GJB2: variants seen among roughly 807,000 people sequenced by gnomAD.
GJB2 encodes the protein gap junction beta-2 protein.
Under a neutral mutation model 16.0 loss-of-function variants are expected in GJB2, and 30 were observed. The ratio of observed to expected loss-of-function variants is 1.88; its 90% CI spans 1.41 to 2.55. The LOEUF (loss-of-function observed/expected upper bound fraction) is 2.55, where lower values mean the gene tolerates loss of function less well. Among genes scored for constraint, GJB2 ranks in the 30% most tolerant of loss-of-function variants. The pLI, the probability that GJB2 is intolerant of heterozygous loss-of-function variation, is 0.00. For synonymous variants in GJB2, 123 were observed against 119.1 expected, an observed-to-expected ratio of 1.03 and a Z score of -0.21; for missense variants, 284 against 289.7, an observed-to-expected ratio of 0.98 and a Z score of 0.14.
rs758171036 is a variant in GJB2 at position 20,189,045 on chromosome 13, G to A, written c.537C>T (p.Asp179=). The A allele has an allele frequency of 1.2e-6, 2 of 1,614,086 alleles. No homozygotes were observed. The highest frequency in any genetic ancestry group is 2.2e-5 in the East Asian group (1 of 44,874). ...TCTCCGTGGGCCGGGACACAAAGCA[G>A]TCCACAGTGTTGGGACAAGGCCAGG... ...CNAWPCPNTV[D]CFVSRPTEKT... The change falls in exon 2 of 2, where the codon GAC becomes GAT. Residue 179 remains aspartate, a synonymous_variant. Coordinates refer to ENST00000382848, the MANE Select transcript of GJB2 (RefSeq NM_004004.6).
intron 1 of GJB2, among the ~76,000 whole-genome samples, chr13:20,190,733 A>G (rs1285619427): frequency 6.6e-6 from 1 of 152,164 alleles, no homozygotes; most frequent in Non-Finnish European, 1.5e-5. Context: ...TCTCCTAAAC[A>G]AGATTCCACC....
intron 1 of GJB2, among the ~76,000 whole-genome samples, chr13:20,190,474 G>T (rs1959070112): frequency 6.6e-6 from 1 of 152,206 alleles, no homozygotes; most frequent in African/African-American, 2.4e-5. Context: ...TAATTTCAAA[G>T]TGTTTCTTAA....
At position 20,189,079 on chromosome 13, in the gene GJB2, T is replaced by C. The variant is rs200104362; in HGVS notation, c.503A>G (p.Lys168Arg). 177 of 1,614,060 alleles carry C rather than the reference T, an allele frequency of 1.1e-4. 2 individuals are homozygous for C. In the Admixed American group the frequency reaches 2.2e-3, roughly 20 times the overall value. The change falls in exon 2 of 2, where the codon AAG becomes AGG. Residue 168 changes from lysine to arginine, a missense_variant. Lys to Arg is a conservative substitution (Grantham distance 26). Coordinates refer to ENST00000382848, the MANE Select transcript of GJB2 (RefSeq NM_004004.6). ...YDGFSMQRLV[K>R]CNAWPCPNTV... ...GTTGGGACAAGGCCAGGCGTTGCAC[T>C]TCACCAGCCGCTGCATGGAGAAGCC...
At chr13:20,190,023 T>C (rs1959067599) in intron 1 of GJB2, among the ~76,000 whole-genome samples, 2 of 152,226 alleles carry the variant, frequency 1.3e-5, no homozygotes, top group Non-Finnish European at 2.9e-5. Flanking sequence ...AACAGCTGCA[T>C]CCATTTGCAG....
intron 1 of GJB2, among the ~76,000 whole-genome samples, chr13:20,191,392 C>T (rs905306465): frequency 2.0e-5 from 3 of 152,304 alleles, no homozygotes; most frequent in African/African-American, 7.2e-5. Flanking sequence ...ACCTGCCAAA[C>T]CCAGGTCATA....
At chr13:20,191,528 G>C (rs975151365) in intron 1 of GJB2, among the ~76,000 whole-genome samples, 1 of 152,210 alleles carries the variant, frequency 6.6e-6, no homozygotes, top group African/African-American at 2.4e-5. Flanking sequence ...TTCAGGAAGA[G>C]GAGTAAATTA....
chr13:20,191,804 C>T (rs1352331491), intron 1 of GJB2, among the ~76,000 whole-genome samples: 2 of 152,228 alleles, frequency 1.3e-5, no homozygotes, highest in African/African-American at 2.4e-5. Flanking sequence ...GACTCTTCAC[C>T]CCTTAAATTT....
In GJB2 at chr13:20,188,907, T is replaced by G; in HGVS notation, c.675A>C (p.Pro225=). 1 of 1,612,720 alleles carries G rather than the reference T, an allele frequency of 6.2e-7. No homozygotes were observed. Among genetic ancestry groups the G allele is most frequent in the Non-Finnish European group, 8.5e-7 (1 of 1,179,514 alleles). ...CTAACAACTGGGCAATGCGTTAAAC[T>G]GGCTTTTTTGACTTCCCAGAACAAT... ...IRYCSGKSKK[P]V The change falls in exon 2 of 2, where the codon CCA becomes CCC. Residue 225 remains proline, a synonymous_variant. Transcript: ENST00000382848.
Position 20,189,609 on chromosome 13 carries a change from A to G in GJB2, c.-22-6T>C, listed in dbSNP as rs141962118. 7.2e-4 allele frequency: 1,151 copies of G among 1,596,954 alleles called. No homozygotes were observed. The highest frequency in any genetic ancestry group is 9.2e-4 in the Non-Finnish European group (1,069 of 1,164,806). ...TCTACTCTGGGCGGTTTGCTCTGGA[A>G]AAGACGAATGCACACAACACAGGAA... On this transcript the variant is annotated splice_region_variant and splice_polypyrimidine_tract_variant and intron_variant, in intron 1 of 1. Transcript: ENST00000382848.
intron 1 of GJB2, among the ~76,000 whole-genome samples, chr13:20,191,474 T>A (rs1959076037): frequency 6.6e-6 from 1 of 152,212 alleles, no homozygotes; most frequent in Non-Finnish European, 1.5e-5. Context: ...TATATTGTTA[T>A]TTTATAAAGC....
chr13:20,189,157 A>C lies in GJB2; in HGVS notation c.425T>G (p.Phe142Cys). Residue 142 changes from phenylalanine (F) to cysteine (C), a missense_variant, in exon 2 of 2, where the codon TTC (phenylalanine) becomes TGC (cysteine). Transcript: ENST00000382848. ...LWWTYTSSIF[F>C]RVIFEAAFMY... ...GAAGGCGGCTTCGAAGATGACCCGG[A>C]AGAAGATGCTGCTTGTGTAGGTCCA... The C allele has an allele frequency of 1.2e-6, 2 of 1,614,154 alleles. No individual in the cohort carries two copies. Among genetic ancestry groups the C allele is most frequent in the Non-Finnish European group, 1.7e-6 (2 of 1,180,048 alleles).
rs935617755 is a variant in GJB2, at chr13:20,189,105, G to A, written c.477C>T (p.Asp159=). ...TCACCAGCCGCTGCATGGAGAAGCC[G>A]TCGTACATGACATAGAAGACGTACA... ...AFMYVFYVMY[D]GFSMQRLVKC... is the part of the protein sequence containing the mutation. The change falls in exon 2 of 2, where the codon GAC becomes GAT. Residue 159 remains aspartate, a synonymous_variant. Coordinates refer to ENST00000382848, the MANE Select transcript of GJB2 (RefSeq NM_004004.6). 6.9e-5 allele frequency: 111 copies of A among 1,613,992 alleles called. No homozygotes were observed. The highest frequency in any genetic ancestry group is 8.2e-5 in the Non-Finnish European group (97 of 1,180,026).
At chr13:20,191,177 A>G (rs927547722) in intron 1 of GJB2, among the ~76,000 whole-genome samples, 1 of 152,186 alleles carries the variant, frequency 6.6e-6, no homozygotes, top group East Asian at 1.9e-4. Flanking sequence ...AGCTCAGGCC[A>G]GTCCCGTCCC....
rs28931593 is a variant in GJB2, at chr13:20,189,358, C to T, written c.224G>A (p.Arg75Gln). ...GAAGATCAGCTGCAGGGCCCATAGC[C>T]GGATGTGGGAGATGGGGAAGTAGTG... Reference protein sequence around the residue: ...YDHYFPISHIRLWALQLIFVS... With the variant: ...YDHYFPISHIQLWALQLIFVS... Residue 75 changes from arginine (R) to glutamine (Q), a missense_variant, in exon 2 of 2, where the codon CGG becomes CAG. By Grantham distance (43) the Arg-to-Gln change is conservative. Transcript: ENST00000382848. 6.2e-7 allele frequency: 1 copy of T among 1,614,056 alleles called. No individual in the cohort carries two copies. The highest frequency in any genetic ancestry group is 2.2e-5 in the East Asian group (1 of 44,894).
At chr13:20,191,660 G>A (rs2137311081) in intron 1 of GJB2, among the ~76,000 whole-genome samples, 1 of 152,336 alleles carries the variant, frequency 6.6e-6, no homozygotes, top group African/African-American at 2.4e-5. Context: ...ACCCTGGGCG[G>A]TTACATGCAG....
Position 20,188,471 on chromosome 13 carries a change from C to G in GJB2, c.*430G>C, listed in dbSNP as rs1417837240. 6 of 171,442 alleles carry G rather than the reference C, an allele frequency of 3.5e-5. No individual in the cohort carries two copies. The highest frequency in any genetic ancestry group is 3.5e-4 in the Admixed American group (6 of 17,298). The allele number at this position is 171,442 out of a possible 1,614,324, so 10.6% of individuals were successfully genotyped here. On this transcript the variant is annotated 3_prime_UTR_variant, in exon 2 of 2. Coordinates refer to ENST00000382848, the MANE Select transcript of GJB2 (RefSeq NM_004004.6). Reference sequence around the variant, plus strand: ...AGCAAATGAAAGAACCAATGTTCACCTTTAACGTGGGGAAAGTTGGCAAAA... The same window carrying G: ...AGCAAATGAAAGAACCAATGTTCACGTTTAACGTGGGGAAAGTTGGCAAAA...
In GJB2 at chr13:20,188,887, A is replaced by C. The variant is rs1236527362; in HGVS notation, c.*14T>G. On this transcript the variant is annotated 3_prime_UTR_variant, in exon 2 of 2. Transcript: ENST00000382848. ...CATGCTGTCTATTTCTTAATCTAAC[A>C]ACTGGGCAATGCGTTAAACTGGCTT... The C allele has an allele frequency of 5.0e-6, 8 of 1,603,316 alleles. No individual in the cohort carries two copies. In the African/African-American group the frequency reaches 1.1e-4, roughly 21 times the overall value.
chr13:20,191,948 G>A (rs1262264812), intron 1 of GJB2, among the ~76,000 whole-genome samples: 1 of 152,184 alleles, frequency 6.6e-6, no homozygotes, highest in Non-Finnish European at 1.5e-5. Context: ...GTCACATGGG[G>A]ACACGGCCGT....
chr13:20,189,655 G>A, intron 1 of GJB2, 52 bp from the exon 2 acceptor site: 1 of 1,352,206 alleles, frequency 7.4e-7, no homozygotes, highest in Non-Finnish European at 1.1e-6. Context: ...GGACAGAACA[G>A]GGAGACTTCT....
Sources: gnomAD v4.1 joint callset for allele counts (sites outside exome capture counted in the v4.1 genomes callset) on GRCh38, gnomAD v4.1.1 for gene constraint, MANE v1.5 for transcripts, NCBI Gene and HGNC (gene_info 2026-07-23, HGNC 2026-07-21) for gene names.